RBM43: variants seen among roughly 807,000 people sequenced by gnomAD.
RBM43 encodes the protein RNA-binding protein 43.
In RBM43, 12 loss-of-function variants were observed where a neutral mutation model predicts 12.4. That is an observed-to-expected ratio of 0.97 (90% CI 0.62 to 1.57). The LOEUF (loss-of-function observed/expected upper bound fraction) is 1.57, where lower values mean the gene tolerates loss of function less well. Ranked by LOEUF, RBM43 falls within the 40% of genes most tolerant of loss-of-function variation. The pLI, the probability that RBM43 is intolerant of heterozygous loss-of-function variation, is 0.00. For synonymous variants in RBM43, 138 were observed against 145.7 expected (o/e 0.95, Z 0.38); for missense variants, 348 against 400.1 (o/e 0.87, Z 1.11).
Position 151,250,907 on chromosome 2 carries a change from T to TA in RBM43, c.1072dup (p.Ter358LeufsTer24). On this transcript the variant is annotated frameshift_variant and stop_lost, in exon 4 of 4. Coordinates refer to ENST00000331426, the MANE Select transcript of RBM43 (RefSeq NM_198557.3). LOFTEE classifies it high-confidence loss of function. ...TATGACTATATTGCTGAGATTTTAT[T>TA]AACTAACCTTTTGCCCTATTAATTT... is the stretch of plus-strand genomic sequence containing the variant. 1.9e-6 allele frequency: 3 copies of TA among 1,581,872 alleles called. No homozygotes were observed. Among genetic ancestry groups the TA allele is most frequent in the Non-Finnish European group, 2.6e-6 (3 of 1,164,636 alleles).
In RBM43 at chr2:151,261,685, A is replaced by G. The variant is rs746007419; in HGVS notation, c.3+40T>C. 2.8e-5 allele frequency: 44 copies of G among 1,587,628 alleles called. 1 individual carries two copies. In the South Asian group the frequency reaches 4.2e-4, roughly 15 times the overall value. ...AGGGGACCATGGCGACGGTACAGGC[A>G]CGGACCTGCACCGCAAAACCCAAAG... On this transcript the variant is annotated intron_variant, in intron 1 of 3. Transcript: ENST00000331426.
intron 2 of RBM43, 111 bp downstream of exon 2, chr2:151,255,422 A>AG: frequency 1.3e-6 from 1 of 797,450 alleles, no homozygotes; most frequent in Non-Finnish European, 2.0e-6. Flanking sequence ...TGTCTCAAAA[A>AG]AAAAACTACT....
At position 151,251,316 on chromosome 2, in the gene RBM43, G is replaced by A; in HGVS notation, c.664C>T (p.Leu222Phe). 6.2e-7 allele frequency: 1 copy of A among 1,614,036 alleles called. No homozygotes were observed. Among genetic ancestry groups the A allele is most frequent in the Non-Finnish European group, 8.5e-7 (1 of 1,179,972 alleles). Residue 222 changes from leucine (L) to phenylalanine (F), a missense_variant, in exon 4 of 4, where the codon CTT becomes TTT. Leu to Phe is a conservative substitution (Grantham distance 22). Coordinates refer to ENST00000331426, the MANE Select transcript of RBM43 (RefSeq NM_198557.3). ...ETARSGEMLV[L>F]DTDVFLYLKH... ...AGGTAAAGAAAAACATCTGTGTCAA[G>A]CACAAGCATTTCTCCACTTCTAGCA... is the stretch of plus-strand genomic sequence containing the variant.
rs1208437087 is a variant in RBM43 at position 151,255,633 on chromosome 2, G to A, written c.114C>T (p.Ser38=). Residue 38 remains serine (S), a synonymous_variant, in exon 2 of 4, where the codon AGC becomes AGT. Transcript: ENST00000331426. ...SDQLLAVLVK[S]HFQDIKNEGG... is the part of the protein sequence containing the mutation. ...CCTCATTCTTAATGTCTTGGAAGTG[G>A]CTCTTCACTAATACGGCCAATAATT... is the stretch of plus-strand genomic sequence containing the variant. 22 of 1,613,400 alleles carry A rather than the reference G, an allele frequency of 1.4e-5. No homozygotes were observed. The highest frequency in any genetic ancestry group is 1.8e-5 in the Non-Finnish European group (21 of 1,179,636).
intron 2 of RBM43, among the ~76,000 whole-genome samples, chr2:151,254,422 T>G (rs2105190745): frequency 6.6e-6 from 1 of 152,244 alleles, no homozygotes; most frequent in African/African-American, 2.4e-5. Context: ...CTGCCATCCC[T>G]TACCTGAACA....
At chr2:151,251,853 GGATT>G (rs1682907652) in intron 3 of RBM43, among the ~76,000 whole-genome samples, 189 bp from the exon 4 acceptor site, 1 of 152,102 alleles carries the variant, frequency 6.6e-6, no homozygotes. Context: ...GTTCAATTTG[GGATT>G]CACACTCCCT....
chr2:151,261,534 C>T (rs887304527), intron 1 of RBM43, 191 bp downstream of exon 1: 1 of 1,546,236 alleles, frequency 6.5e-7, no homozygotes, highest in Non-Finnish European at 8.7e-7. Context: ...GCGAGGCTGA[C>T]CTGAGTTTGC....
intron 1 of RBM43, chr2:151,261,325 T>C (rs1573736422): frequency 6.5e-7 from 1 of 1,550,348 alleles, no homozygotes; most frequent in Non-Finnish European, 8.7e-7. Flanking sequence ...CCACTTTTGT[T>C]CCCCCCGAGG....
chr2:151,250,888 T>A lies in RBM43; in HGVS notation c.*18A>T. 6.4e-7 allele frequency: 1 copy of A among 1,558,588 alleles called. No individual in the cohort carries two copies. Among genetic ancestry groups the A allele is most frequent in the Non-Finnish European group, 8.7e-7 (1 of 1,151,068 alleles). ...AGCAAGAGAAAGCAGCCCTTATGAC[T>A]ATATTGCTGAGATTTTATTAACTAA... On this transcript the variant is annotated 3_prime_UTR_variant, in exon 4 of 4. Coordinates refer to ENST00000331426, the MANE Select transcript of RBM43 (RefSeq NM_198557.3).
In RBM43 at chr2:151,249,182, G is replaced by C. The variant is rs1022906622; in HGVS notation, c.*1724C>G. On this transcript the variant is annotated 3_prime_UTR_variant, in exon 4 of 4. Coordinates refer to ENST00000331426, the MANE Select transcript of RBM43 (RefSeq NM_198557.3). ...ACTCCAAAGGCCAATGATTCTCCAT[G>C]AGGTGAGTCAGCTTTGTATCCCACT... 2 of 152,158 alleles carry C rather than the reference G, an allele frequency of 1.3e-5. No individual in the cohort carries two copies. The highest frequency in any genetic ancestry group is 2.9e-5 in the Non-Finnish European group (2 of 68,040). The allele number at this position is 152,158 out of a possible 1,614,324, so 9.4% of individuals were successfully genotyped here.
intron 1 of RBM43, chr2:151,261,259 G>T (rs1447488798): frequency 1.9e-6 from 3 of 1,547,336 alleles, no homozygotes; most frequent in African/African-American, 2.7e-5. Flanking sequence ...GGCTCGAATC[G>T]TTCTTATTAG....
At position 151,250,329 on chromosome 2, in the gene RBM43, G is replaced by T. The variant is rs1384280450; in HGVS notation, c.*577C>A. On this transcript the variant is annotated 3_prime_UTR_variant, in exon 4 of 4. Coordinates refer to ENST00000331426, the MANE Select transcript of RBM43 (RefSeq NM_198557.3). ...TTTGGTGAGTTTGCTGGGCGCAGTG[G>T]CTCACGCCTGTAATCCCAGCACTTT... is the stretch of plus-strand genomic sequence containing the variant. The T allele has an allele frequency of 2.6e-5, 4 of 152,130 alleles. No individual in the cohort carries two copies. The highest frequency in any genetic ancestry group is 5.9e-5 in the Non-Finnish European group (4 of 68,044). 9.4% of individuals were successfully genotyped at this position (152,130 alleles called of 1,614,324 possible).
In RBM43 at chr2:151,255,523, T is replaced by G; in HGVS notation, c.214+10A>C. On this transcript the variant is annotated intron_variant, in intron 2 of 3. Coordinates refer to ENST00000331426, the MANE Select transcript of RBM43 (RefSeq NM_198557.3). ...ATTTCTAAAATTACAAAAATTTGAC[T>G]TGGAAATACCTTTTTTTTCTTTGAA... is the stretch of plus-strand genomic sequence containing the variant. The G allele has an allele frequency of 2.5e-6, 4 of 1,569,470 alleles. No homozygotes were observed. Among genetic ancestry groups the G allele is most frequent in the Non-Finnish European group, 3.5e-6 (4 of 1,152,200 alleles).
At position 151,251,418 on chromosome 2, in the gene RBM43, T is replaced by C. The variant is rs1682901561; in HGVS notation, c.562A>G (p.Asn188Asp). The change falls in exon 4 of 4, where the codon AAT becomes GAT. Residue 188 changes from asparagine (N) to aspartate (D), a missense_variant. Transcript: ENST00000331426. ...RNFTSEERKW[N>D]RQNPQRNLQR... is the part of the protein sequence containing the mutation. ...AGATTCCTCTGGGGATTTTGTCTAT[T>C]CCACTTTCTCTCCTCACTGGTAAAA... is the stretch of plus-strand genomic sequence containing the variant. The C allele has an allele frequency of 6.2e-7, 1 of 1,614,108 alleles. No homozygotes were observed. The highest frequency in any genetic ancestry group is 8.5e-7 in the Non-Finnish European group (1 of 1,180,042).
chr2:151,261,120 T>A (rs1683040116), intron 1 of RBM43: 2 of 1,080,920 alleles, frequency 1.9e-6, no homozygotes, highest in Non-Finnish European at 2.6e-6. Context: ...TTAAAGGCCT[T>A]GCCAAGGCTT....
chr2:151,250,784 T>C lies in RBM43; in HGVS notation c.*122A>G. The C allele has an allele frequency of 1.4e-6, 1 of 721,678 alleles. No homozygotes were observed. Among genetic ancestry groups the C allele is most frequent in the Non-Finnish European group, 2.3e-6 (1 of 438,488 alleles). The allele number at this position is 721,678 out of a possible 1,614,324, so 44.7% of individuals were successfully genotyped here. ...GCTGTAACATGAGGATAGTCAACAC[T>C]GACAAAGAAGGATGACTATAAGGAT... On this transcript the variant is annotated 3_prime_UTR_variant, in exon 4 of 4. Coordinates refer to ENST00000331426, the MANE Select transcript of RBM43 (RefSeq NM_198557.3).
rs1682899761 is a variant in RBM43, at chr2:151,251,282, T to C, written c.698A>G (p.Lys233Arg). Residue 233 changes from lysine to arginine, a missense_variant, in exon 4 of 4, where the codon AAG becomes AGG. By Grantham distance (26) the Lys-to-Arg change is conservative. Coordinates refer to ENST00000331426, the MANE Select transcript of RBM43 (RefSeq NM_198557.3). ...CAGTGTGCTTTCATAAGATCCACAC[T>C]TGTGTTTCAGGTAAAGAAAAACATC... ...DTDVFLYLKH[K>R]CGSYESTLKK... The C allele has an allele frequency of 6.2e-7, 1 of 1,614,030 alleles. No individual in the cohort carries two copies. The highest frequency in any genetic ancestry group is 2.2e-5 in the East Asian group (1 of 44,882).
rs1682872973 is a variant in RBM43 at position 151,249,996 on chromosome 2, A to C, written c.*910T>G. 6.6e-6 allele frequency: 1 copy of C among 152,218 alleles called. No homozygotes were observed. Among genetic ancestry groups the C allele is most frequent in the Non-Finnish European group, 1.5e-5 (1 of 68,034 alleles). The allele number at this position is 152,218 out of a possible 1,614,324, so 9.4% of individuals were successfully genotyped here. A position where few individuals can be genotyped will look rare whatever the true frequency, so the allele number is the denominator to read the frequency against. On this transcript the variant is annotated 3_prime_UTR_variant, in exon 4 of 4. Coordinates refer to ENST00000331426, the MANE Select transcript of RBM43 (RefSeq NM_198557.3). ...CAACTTGCACAATTATAAAAGAATCACCATTTTATGTAAGCACTTAGGCTA... is the reference window on the plus strand; with the variant it reads ...CAACTTGCACAATTATAAAAGAATCCCCATTTTATGTAAGCACTTAGGCTA...
chr2:151,259,872 T>C (rs1683024954), intron 1 of RBM43, among the ~76,000 whole-genome samples: 6 of 151,986 alleles, frequency 3.9e-5, no homozygotes, highest in Admixed American at 3.9e-4. Context: ...TTTTTGTTTG[T>C]TTGTTTGTTT....
Sources: allele counts gnomAD v4.1 joint callset (sites outside exome capture counted in the v4.1 genomes callset), GRCh38; gene constraint gnomAD v4.1.1; transcripts MANE v1.5; gene names NCBI Gene and HGNC (gene_info 2026-07-23, HGNC 2026-07-21).